Variants in ANXA4 observed in about 807,000 individuals in gnomAD.
ANXA4 encodes the protein annexin A4, also known as 35-beta calcimedin.
ANXA4 carries 39 observed loss-of-function variants against 49.8 expected under a neutral mutation model. The ratio of observed to expected loss-of-function variants is 0.78; its 90% CI spans 0.61 to 1.02. The LOEUF (loss-of-function observed/expected upper bound fraction) is 1.02. Ranked by LOEUF, ANXA4 falls within the 50% of genes least tolerant of loss-of-function variation. ANXA4 has a pLI of 0.00. For synonymous variants in ANXA4, 134 were observed against 152.5 expected, an observed-to-expected ratio of 0.88 and a Z score of 0.89; for missense variants, 360 against 410.1, an observed-to-expected ratio of 0.88 and a Z score of 1.05.
chr2:69,736,984 G>T (rs1278345141), upstream of ANXA4, among the ~76,000 whole-genome samples: 1 of 152,044 alleles, frequency 6.6e-6, no homozygotes, highest in Non-Finnish European at 1.5e-5. Context: ...GTATTTTTTA[G>T]TAGAGATGGG....
chr2:69,647,089 G>A (rs78297408), intron 1 of ANXA4, among the ~76,000 whole-genome samples: 3,423 of 152,212 alleles, frequency 0.022, 67 homozygotes, highest in Non-Finnish European at 0.036. Context: ...GCTGCCCCCC[G>A]CTTTGTGAAT....
At chr2:69,672,894 A>G (rs1677242237) in intron 2 of ANXA4, among the ~76,000 whole-genome samples, 1 of 152,072 alleles carries the variant, frequency 6.6e-6, no homozygotes, top group Admixed American at 6.6e-5. Context: ...GTCAATTAGT[A>G]TACATAACAT....
At chr2:69,663,094 G>A (rs1226924217) in intron 2 of ANXA4, among the ~76,000 whole-genome samples, 2 of 144,526 alleles carry the variant, frequency 1.4e-5, no homozygotes, top group East Asian at 2.1e-4. Context: ...CCAGGTTCAC[G>A]CCATTCTCCT....
intron 2 of ANXA4, among the ~76,000 whole-genome samples, chr2:69,684,619 T>C (rs992477199): frequency 2.1e-5 from 3 of 145,648 alleles, no homozygotes; most frequent in African/African-American, 5.1e-5. Flanking sequence ...AACCAGGAGG[T>C]TGAGACTGTA....
At chr2:69,662,133 G>A (rs1676745480) in intron 2 of ANXA4, among the ~76,000 whole-genome samples, 2 of 152,138 alleles carry the variant, frequency 1.3e-5, no homozygotes, top group African/African-American at 4.8e-5. Flanking sequence ...CTGGCAGATG[G>A]ACCAGTCTGG....
chr2:69,802,840 C>T (rs534953105), intron 3 of ANXA4, among the ~76,000 whole-genome samples: 2 of 152,066 alleles, frequency 1.3e-5, no homozygotes, highest in African/African-American at 4.8e-5. Flanking sequence ...TTCCACACCC[C>T]CTCCTAGCTG....
rs181807015 is a variant in ANXA4, at chr2:69,715,031, G to C, written n.767-5743G>C. Among the ~76,000 whole-genome samples, 3 of 152,222 alleles carry C rather than the reference G, an allele frequency of 2.0e-5. No homozygotes were observed. The East Asian group carries it at 5.8e-4, about 29-fold the overall frequency. ...CCAGTATCATAAAGCCAAGATTGAA[G>C]AAGACAGAACTGAATATCTCCCTCA... On this transcript the variant is annotated intron_variant and non_coding_transcript_variant, in intron 2 of 3. Transcript: ENST00000418066.
chr2:69,804,720 G>A (rs928363728), intron 4 of ANXA4, 93 bp downstream of exon 4: 1 of 1,084,084 alleles, frequency 9.2e-7, no homozygotes, highest in Non-Finnish European at 1.4e-6. Flanking sequence ...GTGACCTTGT[G>A]TTTTAAAAGA....
At chr2:69,742,678 G>C (rs1214796088) in intron 1 of ANXA4, among the ~76,000 whole-genome samples, 1 of 152,184 alleles carries the variant, frequency 6.6e-6, no homozygotes, top group African/African-American at 2.4e-5. Flanking sequence ...ATCGGAGTCT[G>C]ATTATTATAG....
chr2:69,816,257 A>G (rs1673989018), intron 9 of ANXA4, 63 bp downstream of exon 9: 10 of 1,382,916 alleles, frequency 7.2e-6, no homozygotes, highest in Non-Finnish European at 1.0e-5. Flanking sequence ...TATATTGCCC[A>G]TAAGTAGTTG....
intron 2 of ANXA4, among the ~76,000 whole-genome samples, chr2:69,658,137 C>A (rs1676574561): frequency 6.6e-6 from 1 of 152,086 alleles, no homozygotes; most frequent in Non-Finnish European, 1.5e-5. Context: ...GTGGCACACA[C>A]CTGTAATCCC....
At chr2:69,715,363 A>G (rs1678845495) in intron 2 of ANXA4, among the ~76,000 whole-genome samples, 1 of 152,034 alleles carries the variant, frequency 6.6e-6, no homozygotes, top group African/African-American at 2.4e-5. Flanking sequence ...ACGCACCACC[A>G]TGCCTGGCTA....
Position 69,820,736 on chromosome 2 carries a change from T to TG in ANXA4, c.823dup (p.Val275GlyfsTer7). ...GATGATAACACCCTCATCAGAGTGATGGTTTCTCGAGCAGAAATTGACATG... is the reference window on the plus strand; with the variant it reads ...GATGATAACACCCTCATCAGAGTGATGGGTTTCTCGAGCAGAAATTGACATG... On this transcript the variant is annotated frameshift_variant, in exon 12 of 13. Transcript: ENST00000394295. LOFTEE classifies it high-confidence loss of function. The TG allele has an allele frequency of 6.2e-7, 1 of 1,614,126 alleles. No homozygotes were observed. Among genetic ancestry groups the TG allele is most frequent in the Non-Finnish European group, 8.5e-7 (1 of 1,179,994 alleles).
At chr2:69,693,321 G>C (rs943022742) in intron 2 of ANXA4, among the ~76,000 whole-genome samples, 1 of 152,120 alleles carries the variant, frequency 6.6e-6, no homozygotes, top group Non-Finnish European at 1.5e-5. Flanking sequence ...GTGGATGGAA[G>C]GGGAGAAGGG....
intron 4 of ANXA4, 108 bp from the exon 5 acceptor site, chr2:69,806,277 G>A (rs560833055): frequency 1.4e-6 from 1 of 696,240 alleles, no homozygotes; most frequent in East Asian, 2.6e-5. Context: ...TGACTTGCAG[G>A]CCCCTTGAAA....
At chr2:69,716,249 A>G (rs1669613136) in intron 2 of ANXA4, among the ~76,000 whole-genome samples, 1 of 152,232 alleles carries the variant, frequency 6.6e-6, no homozygotes, top group Non-Finnish European at 1.5e-5. Flanking sequence ...GTCCTTACTT[A>G]AATGAGTTAA....
At chr2:69,706,029 C>A (rs748210634) in intron 2 of ANXA4, among the ~76,000 whole-genome samples, 15 of 150,924 alleles carry the variant, frequency 9.9e-5, no homozygotes, top group Non-Finnish European at 1.9e-4. Flanking sequence ...ATATATATAT[C>A]TGTGTAGTGT....
chr2:69,734,509 G>A (rs1287710784), intron 3 of ANXA4, among the ~76,000 whole-genome samples: 1 of 152,176 alleles, frequency 6.6e-6, no homozygotes, highest in Non-Finnish European at 1.5e-5. Flanking sequence ...CAATAACGTG[G>A]ACCTGACAAG....
intron 2 of ANXA4, among the ~76,000 whole-genome samples, chr2:69,658,571 T>C (rs1462060191): frequency 6.6e-6 from 1 of 152,216 alleles, no homozygotes; most frequent in Non-Finnish European, 1.5e-5. Flanking sequence ...TTTAACCCAG[T>C]ATTCTCAGGG....
Sources: allele counts gnomAD v4.1 joint callset (sites outside exome capture counted in the v4.1 genomes callset), GRCh38; gene constraint gnomAD v4.1.1; transcripts MANE v1.5; gene names NCBI Gene and HGNC (gene_info 2026-07-23, HGNC 2026-07-21).